DLGAP1: variants seen among roughly 807,000 people sequenced by gnomAD.
DLGAP1 encodes DLG associated protein 1, also known as disks large-associated protein 1.
Under a neutral mutation model 90.8 loss-of-function variants are expected in DLGAP1, and 11 were observed. The observed-to-expected ratio is 0.12, with a 90% CI of 0.08 to 0.20. The LOEUF (loss-of-function observed/expected upper bound fraction) is 0.20, where lower values mean the gene tolerates loss of function less well. DLGAP1 is among the 10% of genes least tolerant of loss of function. The probability of loss-of-function intolerance (pLI) is 1.00; values close to 1 mark genes in which losing one functional copy is unlikely to be tolerated. For synonymous variants in DLGAP1, 558 were observed against 540.7 expected (o/e 1.03, Z -0.44); for missense variants, 1,050 against 1,333.8 (o/e 0.79, Z 3.31).
intron 2 of DLGAP1, among the ~76,000 whole-genome samples, chr18:4,061,198 G>C (rs2075293108): frequency 6.6e-6 from 1 of 152,100 alleles, no homozygotes; most frequent in African/African-American, 2.4e-5. Flanking sequence ...TGAGACTACT[G>C]GAAAAATAAT....
chr18:4,214,446 GCTAGGCA>G lies in DLGAP1; in HGVS notation c.-266-63166_-266-63160del, dbSNP rs150658024. Among the ~76,000 whole-genome samples, 86 of 152,150 alleles carry G rather than the reference GCTAGGCA, an allele frequency of 5.7e-4. 1 individual carries two copies. In the South Asian group the frequency reaches 6.4e-3, roughly 11 times the overall value. On this transcript the variant is annotated intron_variant, in intron 1 of 12. Coordinates refer to ENST00000315677, the MANE Select transcript of DLGAP1 (RefSeq NM_004746.4). The stretch of plus-strand genomic sequence containing the variant: ...AAGGTTTCTCTCATCCTGGAATTGT[GCTAGGCA>G]CACAGAGGATACAGTGGTAAATCAA...
intron 2 of DLGAP1, among the ~76,000 whole-genome samples, chr18:4,040,484 AT>A (rs1162782918): frequency 6.6e-6 from 1 of 152,172 alleles, no homozygotes; most frequent in African/African-American, 2.4e-5. Context: ...ATGCAGAGAG[AT>A]TTCTATCTTG....
At position 3,814,178 on chromosome 18, in the gene DLGAP1, C is replaced by T; in HGVS notation, c.1053G>A (p.Met351Ile). The T allele has an allele frequency of 6.2e-7, 1 of 1,614,062 alleles. No homozygotes were observed. The highest frequency in any genetic ancestry group is 8.5e-7 in the Non-Finnish European group (1 of 1,180,010). The change falls in exon 5 of 13, where the codon ATG (methionine) becomes ATA (isoleucine). Residue 351 changes from methionine to isoleucine, a missense_variant. Around this residue, in one of 2 missense-constraint regions of DLGAP1, gnomAD observed 565 missense variants for 879.7 expected, o/e 0.64. Coordinates refer to ENST00000315677, the MANE Select transcript of DLGAP1 (RefSeq NM_004746.4). ...RMRSGSYIKA[M>I]GDEDSGDSDT... ...CTGAGTCTCCACTGTCTTCATCCCCCATGGCCTTGATATAACTGCCACTCC... is the reference window on the plus strand; with the variant it reads ...CTGAGTCTCCACTGTCTTCATCCCCTATGGCCTTGATATAACTGCCACTCC...
At chr18:3,599,947 TCTCG>T (rs1314630524) in intron 7 of DLGAP1, among the ~76,000 whole-genome samples, 1 of 150,700 alleles carries the variant, frequency 6.6e-6, no homozygotes. Context: ...AGAGACAGGG[TCTCG>T]CTCTGTTGCC....
intron 2 of DLGAP1, among the ~76,000 whole-genome samples, chr18:4,089,841 C>T (rs569902825): frequency 2.1e-4 from 32 of 152,098 alleles, no homozygotes; most frequent in East Asian, 5.8e-4. Flanking sequence ...GTCAGGAGAT[C>T]GAGACCATCC....
At chr18:3,514,086 C>T (rs1010369412) in intron 10 of DLGAP1, among the ~76,000 whole-genome samples, 3 of 150,566 alleles carry the variant, frequency 2.0e-5, no homozygotes, top group East Asian at 2.0e-4. Flanking sequence ...AAAAGGCAGA[C>T]GTGCTCATTT....
At chr18:4,364,656 T>C (rs1040661244) in intron 1 of DLGAP1, among the ~76,000 whole-genome samples, 14 of 152,174 alleles carry the variant, frequency 9.2e-5, no homozygotes, top group African/African-American at 3.4e-4. Context: ...TCAATCCCCC[T>C]CAGTTCACCT....
At chr18:3,540,889 A>C (rs1029067478) in intron 9 of DLGAP1, among the ~76,000 whole-genome samples, 1 of 152,204 alleles carries the variant, frequency 6.6e-6, no homozygotes, top group African/African-American at 2.4e-5. Flanking sequence ...ACGTGTTGTC[A>C]TCTGGTAACT....
chr18:4,011,609 T>A (rs1250404280), intron 2 of DLGAP1, among the ~76,000 whole-genome samples: 1 of 151,822 alleles, frequency 6.6e-6, no homozygotes, highest in Non-Finnish European at 1.5e-5. Flanking sequence ...TTGAGCTCAG[T>A]AGTTCAAGAC....
In DLGAP1 at chr18:3,517,203, C is replaced by T. The variant is rs558177577; in HGVS notation, c.2480-8542G>A. On this transcript the variant is annotated intron_variant, in intron 10 of 12. Coordinates refer to ENST00000315677, the MANE Select transcript of DLGAP1 (RefSeq NM_004746.4). The surrounding 1 kb of genome is among the most constrained non-coding windows in gnomAD (Gnocchi z 4.1). The stretch of plus-strand genomic sequence containing the variant: ...CAGAATGGTAAATGAGCTTTGGCTT[C>T]GACTTCAAGTCACCAGGTGCCTGAG... Among the ~76,000 whole-genome samples, 10 of 152,272 alleles carry T rather than the reference C, an allele frequency of 6.6e-5. No homozygotes were observed. Among genetic ancestry groups the T allele is most frequent in the Admixed American group, 1.3e-4 (2 of 15,294 alleles).
At chr18:4,368,097 A>G (rs1330160489) in intron 1 of DLGAP1, among the ~76,000 whole-genome samples, 1 of 152,140 alleles carries the variant, frequency 6.6e-6, no homozygotes. Context: ...ATTCTAAGGA[A>G]AAAAAACAAT....
intron 7 of DLGAP1, among the ~76,000 whole-genome samples, chr18:3,698,206 T>A (rs1395216760): frequency 6.6e-6 from 1 of 152,194 alleles, no homozygotes; most frequent in East Asian, 1.9e-4. Flanking sequence ...ATACTGTTTG[T>A]GTGAATTTGA....
At chr18:4,343,637 T>C (rs1399495854) in intron 1 of DLGAP1, among the ~76,000 whole-genome samples, 1 of 150,872 alleles carries the variant, frequency 6.6e-6, no homozygotes, top group Non-Finnish European at 1.5e-5. Context: ...CATCACACAC[T>C]GGTGCCTGTT....
chr18:3,669,351 A>T (rs1408213288), intron 7 of DLGAP1, among the ~76,000 whole-genome samples: 1 of 152,122 alleles, frequency 6.6e-6, no homozygotes, highest in African/African-American at 2.4e-5. Flanking sequence ...GACCTAGGCG[A>T]GGACAGGCAC....
chr18:4,320,717 TACACACACACACAC>T lies in DLGAP1; in HGVS notation c.-267+134275_-267+134288del, dbSNP rs71160954. On this transcript the variant is annotated intron_variant, in intron 1 of 12. Coordinates refer to ENST00000315677, the MANE Select transcript of DLGAP1 (RefSeq NM_004746.4). ...GTGGTGGAAACCCTAATTACAATTT[TACACACACACACAC>T]ACACACACACACACACACACACACA... 8.0e-3 allele frequency among the ~76,000 whole-genome samples: 1,175 copies of T among 146,918 alleles called. 28 individuals carry two copies. Among genetic ancestry groups the T allele is most frequent in the African/African-American group, 0.025 (991 of 40,014 alleles).
In DLGAP1 at chr18:3,775,888, G is replaced by A. The variant is rs75882118; in HGVS notation, c.1173-33376C>T. Reference sequence around the variant, plus strand: ...CCCTGGCTTCTGATACCATAGATTCGTTTGGTCTGTTTTTGAACTTGAGAT... The same window carrying A: ...CCCTGGCTTCTGATACCATAGATTCATTTGGTCTGTTTTTGAACTTGAGAT... On this transcript the variant is annotated intron_variant, in intron 5 of 12. Coordinates refer to ENST00000315677, the MANE Select transcript of DLGAP1 (RefSeq NM_004746.4). The surrounding 1 kb of genome is among the most constrained non-coding windows in gnomAD (Gnocchi z 4.9). Among the ~76,000 whole-genome samples the A allele has an allele frequency of 0.14, 20,915 of 152,046 alleles. 1,539 individuals are homozygous for A. The highest frequency in any genetic ancestry group is 0.16 in the Middle Eastern group (47 of 294).
At chr18:4,390,970 G>A (rs184553676) in intron 1 of DLGAP1, among the ~76,000 whole-genome samples, 49 of 152,192 alleles carry the variant, frequency 3.2e-4, no homozygotes, top group African/African-American at 1.1e-3. Context: ...AGCTTGGTAC[G>A]GTCAGTAGTA....
intron 7 of DLGAP1, among the ~76,000 whole-genome samples, chr18:3,690,163 T>A (rs1329687744): frequency 1.4e-5 from 2 of 146,098 alleles, no homozygotes; most frequent in Admixed American, 1.4e-4. Context: ...CACAGCTCAC[T>A]GCGGACTCGA....
chr18:3,523,674 C>CT (rs1412152142), intron 10 of DLGAP1, among the ~76,000 whole-genome samples: 10 of 151,838 alleles, frequency 6.6e-5, no homozygotes, highest in Non-Finnish European at 1.2e-4. Context: ...GGTGAAACCC[C>CT]GTCTCTACTA....
Sources: gnomAD v4.1 joint callset for allele counts (sites outside exome capture counted in the v4.1 genomes callset) on GRCh38, gnomAD v4.1.1 for gene constraint, gnomAD v4.1.1 regional missense constraint, Gnocchi (gnomAD v3.1) non-coding constraint, MANE v1.5 for transcripts, NCBI Gene and HGNC (gene_info 2026-07-23, HGNC 2026-07-21) for gene names.